Variants in GRM3 observed in about 807,000 individuals in gnomAD.
The protein encoded by GRM3 is metabotropic glutamate receptor 3.
In GRM3, 26 loss-of-function variants were observed where a neutral mutation model predicts 70.5. That is an observed-to-expected ratio of 0.37 (90% CI 0.27 to 0.51). The LOEUF (loss-of-function observed/expected upper bound fraction) is 0.51, where lower values mean the gene tolerates loss of function less well. GRM3 is among the 20% of genes least tolerant of loss of function. GRM3 has a pLI of 0.93. For missense variants in GRM3, 859 were observed against 1,123.8 expected (o/e 0.76, Z 3.37); for synonymous variants, 443 against 434.9 (o/e 1.02, Z -0.23).
At chr7:86,677,858 T>C (rs1413681573) in intron 1 of GRM3, among the ~76,000 whole-genome samples, 3 of 151,884 alleles carry the variant, frequency 2.0e-5, no homozygotes, top group African/African-American at 7.2e-5. Flanking sequence ...AAATAAATTA[T>C]CGGAGCTGGT....
chr7:86,813,801 C>T (rs1383552131), intron 3 of GRM3, among the ~76,000 whole-genome samples: 2 of 151,586 alleles, frequency 1.3e-5, no homozygotes, highest in Non-Finnish European at 3.0e-5. Flanking sequence ...AATACCTTGG[C>T]AATTTAAGAC....
chr7:86,849,987 A>C (rs1256784738), intron 4 of GRM3, among the ~76,000 whole-genome samples: 1 of 152,194 alleles, frequency 6.6e-6, no homozygotes, highest in Non-Finnish European at 1.5e-5. Context: ...AAAGAAGCCA[A>C]GTTCATAGAC....
chr7:86,763,623 G>A (rs560957752), intron 1 of GRM3, among the ~76,000 whole-genome samples: 31 of 152,252 alleles, frequency 2.0e-4, no homozygotes, highest in African/African-American at 7.5e-4. Flanking sequence ...AGCCTAGAAT[G>A]TAAAAAGATG....
At chr7:86,780,743 T>A (rs1797031394) in intron 2 of GRM3, among the ~76,000 whole-genome samples, 2 of 152,206 alleles carry the variant, frequency 1.3e-5, no homozygotes, top group African/African-American at 4.8e-5. Flanking sequence ...AGTAGACTCT[T>A]AGACTATCAT....
chr7:86,826,301 C>T (rs1281727589), intron 3 of GRM3, among the ~76,000 whole-genome samples: 1 of 152,168 alleles, frequency 6.6e-6, no homozygotes, highest in Non-Finnish European at 1.5e-5. Context: ...TAATAACAGA[C>T]ATTCTTGCTT....
At chr7:86,765,858 T>C (rs1409157888) in intron 2 of GRM3, among the ~76,000 whole-genome samples, 2 of 152,162 alleles carry the variant, frequency 1.3e-5, no homozygotes, top group African/African-American at 4.8e-5. Context: ...AATTCAGTGG[T>C]TCAAATAAGA....
Position 86,864,277 on chromosome 7 carries a change from T to A in GRM3, c.2567-5T>A. On this transcript the variant is annotated splice_region_variant and splice_polypyrimidine_tract_variant and intron_variant, in intron 5 of 5. Coordinates refer to ENST00000361669, the MANE Select transcript of GRM3 (RefSeq NM_000840.3). ...TTGAGTTTTCTGTCCCACTTTGTTT[T>A]CCAGCCTCTGCAAGCACGTATGTGC... is the stretch of plus-strand genomic sequence containing the variant. 1 of 1,510,556 alleles carries A rather than the reference T, an allele frequency of 6.6e-7. No homozygotes were observed. Among genetic ancestry groups the A allele is most frequent in the East Asian group, 2.3e-5 (1 of 44,362 alleles). The allele number at this position is 1,510,556 out of a possible 1,614,324, so 93.6% of individuals were successfully genotyped here. A position where few individuals can be genotyped will look rare whatever the true frequency, so the allele number is the denominator to read the frequency against.
intron 4 of GRM3, 123 bp from the exon 5 acceptor site, chr7:86,850,247 C>T: frequency 9.3e-6 from 6 of 641,754 alleles, no homozygotes; most frequent in Non-Finnish European, 1.7e-5. Context: ...GATTTGGCTA[C>T]AATAAGGACA....
At chr7:86,861,008 T>C (rs944969950) in intron 5 of GRM3, among the ~76,000 whole-genome samples, 1 of 152,152 alleles carries the variant, frequency 6.6e-6, no homozygotes, top group African/African-American at 2.4e-5. Flanking sequence ...ATCGCTAAAA[T>C]TTCATTTTTA....
intron 3 of GRM3, among the ~76,000 whole-genome samples, chr7:86,829,626 G>A (rs1200212107): frequency 1.3e-5 from 2 of 152,168 alleles, no homozygotes; most frequent in African/African-American, 4.8e-5. Context: ...GAGAGAGATA[G>A]GGGAATGGCC....
chr7:86,767,614 A>G (rs1208352303), intron 2 of GRM3, among the ~76,000 whole-genome samples: 1 of 149,290 alleles, frequency 6.7e-6, no homozygotes, highest in African/African-American at 2.4e-5. Flanking sequence ...CCATACTTCA[A>G]TCATAATTTC....
At chr7:86,781,549 G>A (rs182080815) in intron 2 of GRM3, among the ~76,000 whole-genome samples, 16 of 152,080 alleles carry the variant, frequency 1.1e-4, no homozygotes, top group Non-Finnish European at 1.6e-4. Context: ...TCCTGAGAGG[G>A]AAACTAGTCC....
intron 2 of GRM3, chr7:86,784,194 C>T (rs1191989792): frequency 6.6e-6 from 1 of 151,330 alleles, no homozygotes; most frequent in Non-Finnish European, 1.5e-5. Flanking sequence ...TGAAGCCTAT[C>T]ATTGAAAAAC....
At chr7:86,807,865 G>A (rs1302130691) in intron 3 of GRM3, among the ~76,000 whole-genome samples, 6 of 152,114 alleles carry the variant, frequency 3.9e-5, no homozygotes, top group Non-Finnish European at 5.9e-5. Context: ...CATTCAGTAC[G>A]ATATTGGCTA....
intron 3 of GRM3, among the ~76,000 whole-genome samples, chr7:86,802,897 G>T (rs373489171): frequency 3.3e-5 from 5 of 152,136 alleles, no homozygotes; most frequent in African/African-American, 1.2e-4. Flanking sequence ...CACAAATCAA[G>T]TTAAAAATTT....
intron 1 of GRM3, among the ~76,000 whole-genome samples, chr7:86,669,527 T>C (rs1794118316): frequency 6.6e-6 from 1 of 152,202 alleles, no homozygotes; most frequent in South Asian, 2.1e-4. Context: ...TTCCTATATC[T>C]CACAAGTAGA....
At chr7:86,848,230 G>A (rs1798693754) in intron 4 of GRM3, among the ~76,000 whole-genome samples, 1 of 152,162 alleles carries the variant, frequency 6.6e-6, no homozygotes, top group African/African-American at 2.4e-5. Context: ...TCAAAACTGT[G>A]TCTTCACATT....
At chr7:86,653,029 G>A (rs998604360) in intron 1 of GRM3, among the ~76,000 whole-genome samples, 3 of 152,188 alleles carry the variant, frequency 2.0e-5, no homozygotes, top group Admixed American at 6.5e-5. Context: ...AGACCAGGTA[G>A]CTTAAACAAC....
intron 1 of GRM3, 123 bp downstream of exon 1, chr7:86,644,995 A>G: frequency 2.5e-6 from 1 of 404,678 alleles, no homozygotes; most frequent in South Asian, 2.0e-5. Flanking sequence ...CAGTCCCTAC[A>G]GTCCTGACTG....
Sources: allele counts gnomAD v4.1 joint callset (sites outside exome capture counted in the v4.1 genomes callset), GRCh38; gene constraint gnomAD v4.1.1; transcripts MANE v1.5; gene names NCBI Gene and HGNC (gene_info 2026-07-23, HGNC 2026-07-21).